DDX18: variants seen among roughly 807,000 people sequenced by gnomAD.
The protein encoded by DDX18 is ATP-dependent RNA helicase DDX18.
A neutral mutation model predicts 73.5 loss-of-function variants in DDX18; 23 were observed. That is an observed-to-expected ratio of 0.31 (90% CI 0.23 to 0.44). The LOEUF (loss-of-function observed/expected upper bound fraction) is 0.44, where lower values mean the gene tolerates loss of function less well. Ranked by LOEUF, DDX18 falls within the 20% of genes least tolerant of loss-of-function variation. The pLI is 1.00. For synonymous variants in DDX18, 268 were observed against 282.7 expected (o/e 0.95, Z 0.52); for missense variants, 753 against 792.9 (o/e 0.95, Z 0.60).
intron 10 of DDX18, 56 bp downstream of exon 10, chr2:117,825,655 T>C (rs1332837520): frequency 5.0e-6 from 8 of 1,586,770 alleles, no homozygotes; most frequent in East Asian, 2.2e-5. Context: ...AGTTCACTTA[T>C]TCTCCCAGTT....
At chr2:117,829,589 C>A in intron 13 of DDX18, 123 bp downstream of exon 13, 1 of 933,310 alleles carries the variant, frequency 1.1e-6, no homozygotes, top group Non-Finnish European at 1.6e-6. Flanking sequence ...CAGTGTTCAC[C>A]CTGGTCGATG....
intron 11 of DDX18, chr2:117,826,759 C>T: frequency 4.8e-6 from 1 of 207,802 alleles, no homozygotes; most frequent in Non-Finnish European, 1.0e-5. Flanking sequence ...TTCGCTCTAG[C>T]CTCTGCCTCC....
intron 10 of DDX18, chr2:117,825,898 T>G: frequency 4.8e-6 from 2 of 415,828 alleles, no homozygotes; most frequent in East Asian, 7.3e-5. Context: ...GTAGATAAAC[T>G]TCTGTAGTAT....
chr2:117,815,100 C>G (rs1230676477), intron 1 of DDX18: 1 of 556,028 alleles, frequency 1.8e-6, no homozygotes, highest in East Asian at 3.0e-5. Flanking sequence ...AACGTTAGAG[C>G]GGGAGGACTC....
intron 2 of DDX18, among the ~76,000 whole-genome samples, chr2:117,818,051 C>A (rs996097044): frequency 2.6e-5 from 4 of 152,136 alleles, no homozygotes; most frequent in Non-Finnish European, 5.9e-5. Context: ...TTCCCATTTT[C>A]CTTCCATAAA....
At position 117,825,356 on chromosome 2, in the gene DDX18, C is replaced by T. The variant is rs368693109; in HGVS notation, c.1369-91C>T. The T allele has an allele frequency of 4.1e-5, 26 of 640,098 alleles. No individual in the cohort carries two copies. The Admixed American group carries it at 4.1e-4, about 10-fold the overall frequency. The allele number at this position is 640,098 out of a possible 1,614,324, so 39.7% of individuals were successfully genotyped here. On this transcript the variant is annotated intron_variant, in intron 9 of 13. Coordinates refer to ENST00000263239, the MANE Select transcript of DDX18 (RefSeq NM_006773.4). ...TAGGACATAGGCCAAGGGATGAGCT[C>T]GAAATAGGGTAACAGTTCCACAATT...
rs1234846270 is a variant in DDX18 at position 117,831,509 on chromosome 2, C to G, written c.*785C>G. The stretch of plus-strand genomic sequence containing the variant: ...TCTTCATTTGGTAACATAACAAAGA[C>G]TTTCATACAAAGAACGATGATGCTC... On this transcript the variant is annotated 3_prime_UTR_variant, in exon 14 of 14. Transcript: ENST00000263239. The G allele has an allele frequency of 1.3e-5, 2 of 152,152 alleles. No homozygotes were observed. Among genetic ancestry groups the G allele is most frequent in the African/African-American group, 4.8e-5 (2 of 41,418 alleles). 9.4% of individuals were successfully genotyped at this position (152,152 alleles called of 1,614,324 possible).
intron 10 of DDX18, 82 bp from the exon 11 acceptor site, chr2:117,826,187 T>C: frequency 8.7e-7 from 1 of 1,148,966 alleles, no homozygotes; most frequent in Non-Finnish European, 1.3e-6. Flanking sequence ...AGTACAGACA[T>C]GCACATACTC....
At position 117,829,684 on chromosome 2, in the gene DDX18, G is replaced by A. The variant is rs578072574; in HGVS notation, c.1870+218G>A. On this transcript the variant is annotated intron_variant, in intron 13 of 13. Coordinates refer to ENST00000263239, the MANE Select transcript of DDX18 (RefSeq NM_006773.4). ...ATTAGGATGGGGTTACAGGGACAAG[G>A]CAGCTTATGCCTTGAGCCTTCAAAA... Among the ~76,000 whole-genome samples the A allele has an allele frequency of 6.6e-5, 10 of 152,292 alleles. No individual in the cohort carries two copies. In the South Asian group the frequency reaches 2.1e-3, roughly 32 times the overall value.
chr2:117,830,623 G>C lies in DDX18; in HGVS notation c.1912G>C (p.Gly638Arg), dbSNP rs770141767. Residue 638 changes from glycine to arginine, a missense_variant, in exon 14 of 14, where the codon GGT becomes CGT. Gly to Arg is a moderately radical substitution (Grantham distance 125). This residue lies in a region of DDX18 where 402 missense variants were observed against 419.4 expected (regional missense o/e 0.96). Transcript: ENST00000263239. Reference sequence around the variant, plus strand: ...AGGCAAGCAGAAAAAGCGAGGAGGTGGTGGTGGATTTGGCTACCAGAAAAC... The same window carrying C: ...AGGCAAGCAGAAAAAGCGAGGAGGTCGTGGTGGATTTGGCTACCAGAAAAC... ...NEGKQKKRGGGGGFGYQKTKK... is the reference protein window; with the variant it reads ...NEGKQKKRGGRGGFGYQKTKK... The C allele has an allele frequency of 6.2e-7, 1 of 1,613,692 alleles. No individual in the cohort carries two copies. Among genetic ancestry groups the C allele is most frequent in the African/African-American group, 1.3e-5 (1 of 74,894 alleles).
chr2:117,826,488 A>C (rs1178150062), intron 11 of DDX18, 106 bp downstream of exon 11: 1 of 1,028,346 alleles, frequency 9.7e-7, no homozygotes, highest in Non-Finnish European at 1.4e-6. Flanking sequence ...GTGCTGTTAC[A>C]ACCATTCTTA....
At chr2:117,815,699 A>T (rs1379210138) in intron 1 of DDX18, 1 of 152,250 alleles carries the variant, frequency 6.6e-6, no homozygotes, top group East Asian at 1.9e-4. Flanking sequence ...ATAATACTAC[A>T]GCATTACTAC....
intron 4 of DDX18, 78 bp from the exon 5 acceptor site, chr2:117,821,572 G>A: frequency 6.8e-7 from 1 of 1,478,744 alleles, no homozygotes; most frequent in East Asian, 2.3e-5. Context: ...TCTAGCCGTA[G>A]TGCCTAAGGT....
In DDX18 at chr2:117,830,633, T is replaced by A; in HGVS notation, c.1922T>A (p.Phe641Tyr). ...AAAAAGCGAGGAGGTGGTGGTGGATTTGGCTACCAGAAAACCAAGAAAGTT... is the reference window on the plus strand; with the variant it reads ...AAAAAGCGAGGAGGTGGTGGTGGATATGGCTACCAGAAAACCAAGAAAGTT... ...KQKKRGGGGG[F>Y]GYQKTKKVEK... The change falls in exon 14 of 14, where the codon TTT (phenylalanine) becomes TAT (tyrosine). Residue 641 changes from phenylalanine to tyrosine, a missense_variant. By Grantham distance (22) the Phe-to-Tyr change is conservative. Coordinates refer to ENST00000263239, the MANE Select transcript of DDX18 (RefSeq NM_006773.4). 6.2e-7 allele frequency: 1 copy of A among 1,613,874 alleles called. No individual in the cohort carries two copies. Among genetic ancestry groups the A allele is most frequent in the Non-Finnish European group, 8.5e-7 (1 of 1,179,826 alleles).
In DDX18 at chr2:117,822,131, T is replaced by C. The variant is rs773808287; in HGVS notation, c.952-16T>C. On this transcript the variant is annotated splice_polypyrimidine_tract_variant and intron_variant, in intron 6 of 13. Transcript: ENST00000263239. ...ACTGACAACTAATGGTTGTTCTTTG[T>C]CCTTTGTTTTGTTAGAATACCCCAG... is the stretch of plus-strand genomic sequence containing the variant. 1.2e-6 allele frequency: 2 copies of C among 1,613,774 alleles called. No homozygotes were observed. Among genetic ancestry groups the C allele is most frequent in the Non-Finnish European group, 1.7e-6 (2 of 1,179,716 alleles).
intron 1 of DDX18, 159 bp downstream of exon 1, chr2:117,815,021 G>A (rs1289817219): frequency 3.0e-6 from 2 of 673,416 alleles, no homozygotes; most frequent in Non-Finnish European, 5.1e-6. Context: ...CGGGACCCGC[G>A]CTGCTGCCCA....
At chr2:117,830,406 G>A (rs921752327) in intron 13 of DDX18, among the ~76,000 whole-genome samples, 176 bp from the exon 14 acceptor site, 15 of 152,124 alleles carry the variant, frequency 9.9e-5, no homozygotes, top group Non-Finnish European at 1.6e-4. Context: ...CCACAGTCAC[G>A]TGGCCACTCC....
intron 11 of DDX18, chr2:117,826,635 T>G: frequency 2.1e-6 from 1 of 480,902 alleles, no homozygotes; most frequent in Non-Finnish European, 3.8e-6. Flanking sequence ...TCCTGTTCCC[T>G]CCAGCCCTCT....
chr2:117,830,478 G>T, intron 13 of DDX18, 104 bp from the exon 14 acceptor site: 3 of 1,327,610 alleles, frequency 2.3e-6, no homozygotes, highest in Non-Finnish European at 3.0e-6. Context: ...TGAGAATGGG[G>T]TTGTGGAGGA....
Sources: allele counts gnomAD v4.1 joint callset (sites outside exome capture counted in the v4.1 genomes callset), GRCh38; gene constraint gnomAD v4.1.1; regional missense constraint gnomAD v4.1.1; transcripts MANE v1.5; gene names NCBI Gene and HGNC (gene_info 2026-07-23, HGNC 2026-07-21).